EPM2A: variants seen among roughly 807,000 people sequenced by gnomAD.
EPM2A encodes EPM2A glucan phosphatase, laforin.
In EPM2A, 21 loss-of-function variants were observed where a neutral mutation model predicts 26.5. The ratio of observed to expected loss-of-function variants is 0.79; its 90% CI spans 0.56 to 1.14. The LOEUF (loss-of-function observed/expected upper bound fraction) is 1.14. Ranked by LOEUF, EPM2A falls within the 50% of genes most tolerant of loss-of-function variation. EPM2A has a pLI of 0.00. For synonymous variants in EPM2A, 217 were observed against 177.6 expected (o/e 1.22, Z -1.76); for missense variants, 458 against 440.8 (o/e 1.04, Z -0.35).
chr6:145,614,730 T>C (rs924314496), intron 2 of EPM2A, among the ~76,000 whole-genome samples: 2 of 152,208 alleles, frequency 1.3e-5, no homozygotes, highest in African/African-American at 4.8e-5. Flanking sequence ...AAGTTTGCTG[T>C]CTTATACAGG....
intron 1 of EPM2A, among the ~76,000 whole-genome samples, chr6:145,726,711 A>G (rs536538153): frequency 2.0e-5 from 3 of 152,290 alleles, no homozygotes; most frequent in African/African-American, 4.8e-5. Flanking sequence ...AACTTTCTGC[A>G]AAATACCTGA....
At chr6:145,594,304 T>A (rs1014294877) in intron 2 of EPM2A, among the ~76,000 whole-genome samples, 3 of 151,746 alleles carry the variant, frequency 2.0e-5, no homozygotes, top group Admixed American at 2.0e-4. Context: ...AGAAAAAAAA[T>A]ATAAGGTTCA....
At chr6:145,465,229 A>G (rs1779373670) in intron 4 of EPM2A, among the ~76,000 whole-genome samples, 1 of 151,698 alleles carries the variant, frequency 6.6e-6, no homozygotes, top group Middle Eastern at 3.2e-3. Context: ...TTCATCTTCC[A>G]TCGCTGATAC....
At chr6:145,471,944 T>G (rs1779479206) in intron 4 of EPM2A, among the ~76,000 whole-genome samples, 1 of 151,512 alleles carries the variant, frequency 6.6e-6, no homozygotes, top group Non-Finnish European at 1.5e-5. Flanking sequence ...CTGGCAATGC[T>G]GGCATCATGC....
At chr6:145,634,196 A>G (rs779566458) in intron 3 of EPM2A, among the ~76,000 whole-genome samples, 9 of 152,100 alleles carry the variant, frequency 5.9e-5, no homozygotes, top group Middle Eastern at 3.2e-3. Flanking sequence ...CCCTGCTGAC[A>G]GCTGCTTGAT....
intron 4 of EPM2A, among the ~76,000 whole-genome samples, chr6:145,400,757 A>G (rs1330103961): frequency 1.3e-5 from 2 of 152,158 alleles, no homozygotes; most frequent in African/African-American, 4.8e-5. Flanking sequence ...CTCCTCCTAT[A>G]ACCTGTTAAA....
At chr6:145,504,977 C>T (rs1346294620) in intron 2 of EPM2A, among the ~76,000 whole-genome samples, 1 of 98,464 alleles carries the variant, frequency 1.0e-5, no homozygotes, top group Non-Finnish European at 2.1e-5. Flanking sequence ...CCATCATTCT[C>T]AGTAAACTAT....
intron 1 of EPM2A, among the ~76,000 whole-genome samples, chr6:145,689,217 C>T (rs537473861): frequency 4.1e-4 from 62 of 152,160 alleles, no homozygotes; most frequent in African/African-American, 1.4e-3. Context: ...CTGAGTTATT[C>T]AAAATATGTT....
intron 2 of EPM2A, among the ~76,000 whole-genome samples, chr6:145,647,106 G>A (rs545610639): frequency 5.3e-5 from 8 of 152,220 alleles, no homozygotes; most frequent in African/African-American, 1.9e-4. Context: ...TGTCACTAGA[G>A]TGATCGTTTT....
At chr6:145,436,614 T>C (rs1477722402) in intron 4 of EPM2A, among the ~76,000 whole-genome samples, 1 of 152,156 alleles carries the variant, frequency 6.6e-6, no homozygotes, top group Non-Finnish European at 1.5e-5. Context: ...CTTTTTTTTG[T>C]GTTTATTGGC....
intron 4 of EPM2A, among the ~76,000 whole-genome samples, chr6:145,393,948 C>T (rs1778371295): frequency 6.6e-6 from 1 of 151,952 alleles, no homozygotes; most frequent in Admixed American, 6.6e-5. Context: ...CTCAGCCTCC[C>T]AAGCAGCTGG....
chr6:145,687,737 T>C (rs1781022430), intron 1 of EPM2A, among the ~76,000 whole-genome samples: 1 of 152,224 alleles, frequency 6.6e-6, no homozygotes, highest in South Asian at 2.1e-4. Flanking sequence ...TTGATGTTTC[T>C]TTGAGATATA....
At chr6:145,596,113 G>T (rs1343706030) in intron 2 of EPM2A, among the ~76,000 whole-genome samples, 1 of 152,098 alleles carries the variant, frequency 6.6e-6, no homozygotes, top group Non-Finnish European at 1.5e-5. Context: ...CCAAGACTAC[G>T]TATTATCATA....
At chr6:145,465,811 C>G (rs933761505) in intron 4 of EPM2A, among the ~76,000 whole-genome samples, 15 of 152,060 alleles carry the variant, frequency 9.9e-5, no homozygotes, top group African/African-American at 3.6e-4. Context: ...TGGAACAGAA[C>G]AGAGGCCTCA....
At chr6:145,417,282 T>C (rs1013286915) in intron 4 of EPM2A, among the ~76,000 whole-genome samples, 12 of 152,350 alleles carry the variant, frequency 7.9e-5, no homozygotes, top group African/African-American at 2.9e-4. Flanking sequence ...TCTGTAAAAC[T>C]GTATTGCTGT....
intron 4 of EPM2A, among the ~76,000 whole-genome samples, chr6:145,471,405 G>A (rs1015484212): frequency 4.6e-5 from 7 of 152,024 alleles, no homozygotes; most frequent in Admixed American, 2.0e-4. Context: ...AGGACACCAA[G>A]TTAACAACTA....
intron 2 of EPM2A, among the ~76,000 whole-genome samples, chr6:145,618,630 A>G (rs896062419): frequency 6.6e-6 from 1 of 152,140 alleles, no homozygotes; most frequent in African/African-American, 2.4e-5. Context: ...CTATGTGAAG[A>G]AGGTGGTGTT....
At chr6:145,685,743 G>A (rs1780857413) in intron 2 of EPM2A, among the ~76,000 whole-genome samples, 1 of 152,132 alleles carries the variant, frequency 6.6e-6, no homozygotes, top group African/African-American at 2.4e-5. Context: ...ATTTGGATAA[G>A]ATTGTATAAG....
At chr6:145,501,537 T>A (rs1379562548), downstream of EPM2A, 12 of 264,348 alleles carry the variant, frequency 4.5e-5, no homozygotes, top group Non-Finnish European at 9.0e-5. Context: ...ACATAACTGG[T>A]AGACTTGTGT....
Sources: gnomAD v4.1 joint callset for allele counts (sites outside exome capture counted in the v4.1 genomes callset) on GRCh38, gnomAD v4.1.1 for gene constraint, MANE v1.5 for transcripts, NCBI Gene and HGNC (gene_info 2026-07-23, HGNC 2026-07-21) for gene names.